The following MAGEC1 variants were observed in gnomAD, a reference collection of about 807,000 sequenced individuals.
MAGEC1 encodes MAGE family member C1.
Under a neutral mutation model 1.5 loss-of-function variants are expected in MAGEC1, and 3 were observed. The ratio of observed to expected loss-of-function variants is 1.97; its 90% CI spans 0.90 to 5.10. The LOEUF (loss-of-function observed/expected upper bound fraction) is 5.10, where lower values mean the gene tolerates loss of function less well. Among genes scored for constraint, MAGEC1 ranks in the 30% most tolerant of loss-of-function variants. MAGEC1 has a pLI of 0.02. For synonymous variants in MAGEC1, 357 were observed against 310.4 expected, an observed-to-expected ratio of 1.15 and a Z score of -1.58; for missense variants, 985 against 803.1, an observed-to-expected ratio of 1.23 and a Z score of -2.74.
intron 3 of MAGEC1, 141 bp downstream of exon 3, chrX:141,905,217 GC>G: frequency 9.8e-7 from 1 of 1,020,443 alleles, no homozygotes; most frequent in Non-Finnish European, 1.4e-6. Flanking sequence ...AACCTTCCAC[GC>G]CCCAGCTTTG....
rs372423529 is a variant in MAGEC1 at position 141,906,354 on chromosome X, G to A, written c.950G>A (p.Ser317Asn). Residue 317 changes from serine (S) to asparagine (N), a missense_variant, in exon 4 of 4, where the codon AGT becomes AAT. By Grantham distance (46) the Ser-to-Asn change is conservative (BLOSUM62 1). Transcript: ENST00000285879. ...TCCTCCTCCTCCTCCACTTTATTGAGTCTTTTCCAGAGTTCCCCTGAGAGA... is the reference window on the plus strand; with the variant it reads ...TCCTCCTCCTCCTCCACTTTATTGAATCTTTTCCAGAGTTCCCCTGAGAGA... ...VSSSSSSTLL[S>N]LFQSSPERTH... is the part of the protein sequence containing the mutation. The A allele has an allele frequency of 3.6e-6, 4 of 1,120,899 alleles. No homozygotes were observed. The highest frequency in any genetic ancestry group is 4.9e-6 in the Non-Finnish European group (4 of 823,609). The allele number at this position is 1,120,899 out of a possible 1,213,427, so 92.4% of individuals were successfully genotyped here.
In MAGEC1 at chrX:141,904,975, C is replaced by T. The variant is rs1438550152; in HGVS notation, c.-98C>T. 4 of 1,178,134 alleles carry T rather than the reference C, an allele frequency of 3.4e-6. No individual in the cohort carries two copies. The highest frequency in any genetic ancestry group is 4.6e-6 in the Non-Finnish European group (4 of 867,623). On this transcript the variant is annotated 5_prime_UTR_variant, in exon 3 of 4. Transcript: ENST00000285879. ...TTTCTCGCGTCCTTCTACAGGTTCC[C>T]AGAAGACAAACCCCCTAGGAAGACA...
At position 141,906,381 on chromosome X, in the gene MAGEC1, C is replaced by G. The variant is rs759700415; in HGVS notation, c.977C>G (p.Thr326Ser). 4.5e-6 allele frequency: 5 copies of G among 1,122,776 alleles called. No individual in the cohort carries two copies. The highest frequency in any genetic ancestry group is 3.8e-5 in the South Asian group (2 of 53,091). 92.5% of individuals were successfully genotyped at this position (1,122,776 alleles called of 1,213,427 possible). Residue 326 changes from threonine to serine, a missense_variant, in exon 4 of 4, where the codon ACT becomes AGT. Physicochemically the swap from Thr to Ser is moderately conservative, Grantham distance 58 (BLOSUM62 1). Transcript: ENST00000285879. ...CTTTTCCAGAGTTCCCCTGAGAGAA[C>G]TCACAGTACTTTTGAGGGTTTTCCC... ...LSLFQSSPER[T>S]HSTFEGFPQS... is the part of the protein sequence containing the mutation.
Position 141,908,946 on chromosome X carries a change from T to C in MAGEC1, c.*113T>C, listed in dbSNP as rs773310393. ...CAGTGCTATTTGCATTTCTGTTCCA[T>C]ATGGGTAGTTATGGGGTTTACCTGT... On this transcript the variant is annotated 3_prime_UTR_variant, in exon 4 of 4. Transcript: ENST00000285879. 3.2e-5 allele frequency: 18 copies of C among 567,541 alleles called. No homozygotes were observed. In the African/African-American group the frequency reaches 3.7e-4, roughly 12 times the overall value. The allele number at this position is 567,541 out of a possible 1,213,427, so 46.8% of individuals were successfully genotyped here. A position where few individuals can be genotyped will look rare whatever the true frequency, so the allele number is the denominator to read the frequency against.
Position 141,907,874 on chromosome X carries a change from A to G in MAGEC1, c.2470A>G (p.Ser824Gly). Residue 824 changes from serine to glycine, a missense_variant, in exon 4 of 4, where the codon AGT becomes GGT. Coordinates refer to ENST00000285879, the MANE Select transcript of MAGEC1 (RefSeq NM_005462.5). ...VSSFPSSTSS[S>G]LSQSSPVSSF... is the part of the protein sequence containing the mutation. ...CTCCTTCCCCTCCTCCACTTCATCG[A>G]GTCTTTCCCAGAGTTCTCCTGTGAG... is the stretch of plus-strand genomic sequence containing the variant. 1 of 1,209,463 alleles carries G rather than the reference A, an allele frequency of 8.3e-7. No individual in the cohort carries two copies. The highest frequency in any genetic ancestry group is 1.1e-6 in the Non-Finnish European group (1 of 894,832).
chrX:141,908,782 C>G lies in MAGEC1; in HGVS notation c.3378C>G (p.Ala1126=), dbSNP rs776312197. ...TTGACACCACAGATGATTCGACTGCCACAGAAAGTGCAAGCTCCAGTGTCA... is the reference window on the plus strand; with the variant it reads ...TTGACACCACAGATGATTCGACTGCGACAGAAAGTGCAAGCTCCAGTGTCA... ...AIIDTTDDST[A]TESASSSVMS... The change falls in exon 4 of 4, where the codon GCC becomes GCG. Residue 1126 remains alanine (A), a synonymous_variant. Transcript: ENST00000285879. The G allele has an allele frequency of 1.7e-6, 2 of 1,207,838 alleles. No homozygotes were observed. Among genetic ancestry groups the G allele is most frequent in the East Asian group, 3.0e-5 (1 of 33,701 alleles).
rs753896997 is a variant in MAGEC1 at position 141,907,385 on chromosome X, C to T, written c.1981C>T (p.His661Tyr). Residue 661 changes from histidine to tyrosine, a missense_variant, in exon 4 of 4, where the codon CAT becomes TAT. By Grantham distance (83) the His-to-Tyr change is moderately conservative. Coordinates refer to ENST00000285879, the MANE Select transcript of MAGEC1 (RefSeq NM_005462.5). Reference sequence around the variant, plus strand: ...TGAGGGGCCTGTCCAGTCTCCTCTCCATAGTCCTCAGAGCCCTCCTGAGGG... The same window carrying T: ...TGAGGGGCCTGTCCAGTCTCCTCTCTATAGTCCTCAGAGCCCTCCTGAGGG... ...PPEGPVQSPL[H>Y]SPQSPPEGMH... 1 of 1,200,564 alleles carries T rather than the reference C, an allele frequency of 8.3e-7. No individual in the cohort carries two copies. The highest frequency in any genetic ancestry group is 1.1e-6 in the Non-Finnish European group (1 of 890,787).
At position 141,906,848 on chromosome X, in the gene MAGEC1, G is replaced by T. The variant is rs779333592; in HGVS notation, c.1444G>T (p.Val482Leu). The T allele has an allele frequency of 8.4e-7, 1 of 1,196,824 alleles. No homozygotes were observed. Among genetic ancestry groups the T allele is most frequent in the Non-Finnish European group, 1.1e-6 (1 of 891,221 alleles). Residue 482 changes from valine (V) to leucine (L), a missense_variant, in exon 4 of 4, where the codon GTG becomes TTG. By Grantham distance (32) the Val-to-Leu change is conservative. Coordinates refer to ENST00000285879, the MANE Select transcript of MAGEC1 (RefSeq NM_005462.5). ...TCCCCAGTCTCCTCTCCAGATTCCTGTGAGCTCCTCCTCCTCCTCCTCCAC... is the reference window on the plus strand; with the variant it reads ...TCCCCAGTCTCCTCTCCAGATTCCTTTGAGCTCCTCCTCCTCCTCCTCCAC... ...GFPQSPLQIP[V>L]SSSSSSSTLL...
rs777733607 is a variant in MAGEC1 at position 141,905,727 on chromosome X, C to G, written c.323C>G (p.Ser108Cys). 5 of 1,211,520 alleles carry G rather than the reference C, an allele frequency of 4.1e-6. No individual in the cohort carries two copies. The highest frequency in any genetic ancestry group is 3.5e-5 in the South Asian group (2 of 56,994). ...CAGAGTTCTCCTGAGGGGAAGGACTCCCTGTCTCCTCTAGAGATTTCTCAG... is the reference window on the plus strand; with the variant it reads ...CAGAGTTCTCCTGAGGGGAAGGACTGCCTGTCTCCTCTAGAGATTTCTCAG... The part of the protein sequence containing the change: ...NSQSSPEGKD[S>C]LSPLEISQSP... Residue 108 changes from serine (S) to cysteine (C), a missense_variant, in exon 4 of 4, where the codon TCC becomes TGC. Ser to Cys is a moderately radical substitution (Grantham distance 112). Transcript: ENST00000285879.
chrX:141,907,501 TGAG>T lies in MAGEC1; in HGVS notation c.2099_2101del (p.Glu700del), dbSNP rs755874875. ...CTCTCCAAATTCCTCAGAGTCCTCT[TGAG>T]GGAGAGGACTCCCTGTCTTCTCTCC... On this transcript the variant is annotated inframe_deletion, in exon 4 of 4. Transcript: ENST00000285879. 4 of 1,199,707 alleles carry T rather than the reference TGAG, an allele frequency of 3.3e-6. No individual in the cohort carries two copies. The highest frequency in any genetic ancestry group is 1.8e-5 in the African/African-American group (1 of 55,304).
In MAGEC1 at chrX:141,906,162, CTG is replaced by C; in HGVS notation, c.759_760del (p.Arg255AsnfsTer6). 1.3e-5 allele frequency: 9 copies of C among 694,314 alleles called. 1 individual carries two copies. The highest frequency in any genetic ancestry group is 1.9e-5 in the Non-Finnish European group (9 of 472,069). 57.2% of individuals were successfully genotyped at this position (694,314 alleles called of 1,213,427 possible). A position where few individuals can be genotyped will look rare whatever the true frequency, so the allele number is the denominator to read the frequency against. ...TTACTGAGTCTTTTCCAGAGTTTCT[CTG>C]AGAGAACTCAGAGTACTTTTGAGGG... is the stretch of plus-strand genomic sequence containing the variant. On this transcript the variant is annotated frameshift_variant, in exon 4 of 4. Transcript: ENST00000285879. LOFTEE classifies it low-confidence loss of function (END_TRUNC).
rs144357389 is a variant in MAGEC1, at chrX:141,906,854, T to C, written c.1450T>C (p.Ser484Pro). 2.6e-4 allele frequency: 311 copies of C among 1,183,228 alleles called. No individual in the cohort carries two copies. In the East Asian group the frequency reaches 2.8e-3, roughly 11 times the overall value. ...PQSPLQIPVS[S>P]SSSSSTLLSL... ...GTCTCCTCTCCAGATTCCTGTGAGC[T>C]CCTCCTCCTCCTCCTCCACTTTATT... The change falls in exon 4 of 4, where the codon TCC becomes CCC. Residue 484 changes from serine (S) to proline (P), a missense_variant. Coordinates refer to ENST00000285879, the MANE Select transcript of MAGEC1 (RefSeq NM_005462.5).
At chrX:141,905,274 C>G in intron 3 of MAGEC1, 135 bp from the exon 4 acceptor site, 1 of 830,199 alleles carries the variant, frequency 1.2e-6, no homozygotes, top group Non-Finnish European at 1.8e-6. Context: ...TTGGTAGATG[C>G]AGAGGATCCC....
Position 141,905,849 on chromosome X carries a change from GAGAGT to G in MAGEC1, c.447_451del (p.Glu149AspfsTer6). 1 of 1,203,598 alleles carries G rather than the reference GAGAGT, an allele frequency of 8.3e-7. No homozygotes were observed. Among genetic ancestry groups the G allele is most frequent in the South Asian group, 1.8e-5 (1 of 56,019 alleles). On this transcript the variant is annotated frameshift_variant, in exon 4 of 4. Coordinates refer to ENST00000285879, the MANE Select transcript of MAGEC1 (RefSeq NM_005462.5). LOFTEE classifies it low-confidence loss of function (END_TRUNC). ...ATTGAGTATTTTCCAGAGTTCCCCT[GAGAGT>G]ACTCAAAGTCCTTTTGAGGGTTTTC... is the stretch of plus-strand genomic sequence containing the variant.
In MAGEC1 at chrX:141,907,185, A is replaced by G. The variant is rs1348052353; in HGVS notation, c.1781A>G (p.Tyr594Cys). The G allele has an allele frequency of 3.3e-6, 4 of 1,204,621 alleles. No homozygotes were observed. The highest frequency in any genetic ancestry group is 2.2e-5 in the Admixed American group (1 of 45,332). ...GGGGAGGACTCCCTGTCTCCTCACT[A>G]CTTTCCTCAGAGCCCTCCTCAGGGG... Reference protein sequence around the residue: ...PQGEDSLSPHYFPQSPPQGED... With the variant: ...PQGEDSLSPHCFPQSPPQGED... The change falls in exon 4 of 4, where the codon TAC becomes TGC. Residue 594 changes from tyrosine to cysteine, a missense_variant. Physicochemically the swap from Tyr to Cys is radical, Grantham distance 194. Transcript: ENST00000285879.
In MAGEC1 at chrX:141,907,651, C is replaced by T. The variant is rs1306279561; in HGVS notation, c.2247C>T (p.Ser749=). 2.5e-6 allele frequency: 3 copies of T among 1,209,655 alleles called. No homozygotes were observed. The change falls in exon 4 of 4, where the codon TCC becomes TCT. Residue 749 remains serine (S), a synonymous_variant. Coordinates refer to ENST00000285879, the MANE Select transcript of MAGEC1 (RefSeq NM_005462.5). ...AGAGTCCTGTGAGTATCTGCTCCTC[C>T]TCCACTTCTTTGAGTCTTCCCCAGA... ...SLQSPVSICS[S]STSLSLPQSF...
intron 1 of MAGEC1, among the ~76,000 whole-genome samples, chrX:141,904,253 C>T (rs176035): frequency 0.38 from 42,365 of 110,399 alleles, 6,209 homozygotes; most frequent in Non-Finnish European, 0.46. Context: ...CATAGAGCTC[C>T]CCAGGTGGCT....
Position 141,908,039 on chromosome X carries a change from A to G in MAGEC1, c.2635A>G (p.Thr879Ala), listed in dbSNP as rs748267220. ...GTCCAGCAGCCCAGTAGATGAATATACAAGTTCCTCAGACACCTTGCTAGA... is the reference window on the plus strand; with the variant it reads ...GTCCAGCAGCCCAGTAGATGAATATGCAAGTTCCTCAGACACCTTGCTAGA... ...EESSSPVDEY[T>A]SSSDTLLESD... Residue 879 changes from threonine to alanine, a missense_variant, in exon 4 of 4, where the codon ACA becomes GCA. Transcript: ENST00000285879. 8.3e-6 allele frequency: 10 copies of G among 1,210,457 alleles called. No individual in the cohort carries two copies. Among genetic ancestry groups the G allele is most frequent in the African/African-American group, 5.2e-5 (3 of 57,330 alleles).
Position 141,904,311 on chromosome X carries a change from G to C in MAGEC1, c.-202+333G>C, listed in dbSNP as rs192786945. 4.5e-5 allele frequency among the ~76,000 whole-genome samples: 5 copies of C among 110,901 alleles called. No individual in the cohort carries two copies. The East Asian group carries it at 1.4e-3, about 32-fold the overall frequency. On this transcript the variant is annotated intron_variant, in intron 1 of 3. Transcript: ENST00000285879. ...ACTGCTGGGTGAGGGGTGTAGGGGA[G>C]GGGGAGGAGGAGGCCTTGTTCTGGG...
Sources: gnomAD v4.1 joint callset for allele counts (sites outside exome capture counted in the v4.1 genomes callset) on GRCh38, gnomAD v4.1.1 for gene constraint, MANE v1.5 for transcripts, NCBI Gene and HGNC (gene_info 2026-07-23, HGNC 2026-07-21) for gene names.